The following POU6F2 variants were observed in gnomAD, a reference collection of about 807,000 sequenced individuals.
POU6F2 encodes POU domain, class 6, transcription factor 2.
Under a neutral mutation model 71.3 loss-of-function variants are expected in POU6F2, and 31 were observed. That is an observed-to-expected ratio of 0.43 (90% CI 0.33 to 0.59). The LOEUF is 0.59. Ranked by LOEUF, POU6F2 falls within the 20% of genes least tolerant of loss-of-function variation. The probability of loss-of-function intolerance (pLI) is 0.04; values close to 1 mark genes in which losing one functional copy is unlikely to be tolerated. For synonymous variants in POU6F2, 347 were observed against 355.7 expected, an observed-to-expected ratio of 0.98 and a Z score of 0.27; for missense variants, 783 against 856.8, an observed-to-expected ratio of 0.91 and a Z score of 1.07.
intron 5 of POU6F2, among the ~76,000 whole-genome samples, chr7:39,361,498 A>G (rs558532745): frequency 6.6e-6 from 1 of 152,348 alleles, no homozygotes; most frequent in Non-Finnish European, 1.5e-5. Context: ...AGCTGAAAGC[A>G]TGCAGACCTA....
chr7:39,116,922 G>A (rs1355605191), intron 2 of POU6F2, among the ~76,000 whole-genome samples: 1 of 152,096 alleles, frequency 6.6e-6, no homozygotes, highest in Non-Finnish European at 1.5e-5. Context: ...AAGTCAGACA[G>A]GCACTAGGAA....
rs550620557 is a variant in POU6F2 at position 39,133,299 on chromosome 7, G to A, written c.277+47268G>A. Among the ~76,000 whole-genome samples the A allele has an allele frequency of 1.1e-4, 16 of 152,274 alleles. 1 individual carries two copies. The highest frequency in any genetic ancestry group is 2.6e-4 in the Admixed American group (4 of 15,306). ...CGAGAATGTCCCCTTGTCAGAGAGC[G>A]GCAGCTGCTGCATGTATGTAGCCTG... On this transcript the variant is annotated intron_variant, in intron 2 of 9. Transcript: ENST00000518318.
intron 1 of POU6F2, among the ~76,000 whole-genome samples, chr7:39,006,355 T>G (rs1789070051): frequency 1.3e-5 from 2 of 151,808 alleles, no homozygotes. Context: ...TCCCAGCTAC[T>G]CAGGAGGGTG....
intron 4 of POU6F2, among the ~76,000 whole-genome samples, chr7:39,260,469 C>G (rs1784113360): frequency 1.3e-5 from 2 of 150,154 alleles, no homozygotes; most frequent in Non-Finnish European, 3.0e-5. Flanking sequence ...CACATACACA[C>G]CATACCACAC....
At chr7:39,068,986 G>T (rs1790818529) in intron 1 of POU6F2, among the ~76,000 whole-genome samples, 1 of 152,132 alleles carries the variant, frequency 6.6e-6, no homozygotes, top group Non-Finnish European at 1.5e-5. Flanking sequence ...CTGGGGTTCT[G>T]ATCCACAGGA....
chr7:39,261,340 G>C (rs1461862549), intron 4 of POU6F2, among the ~76,000 whole-genome samples: 1 of 152,144 alleles, frequency 6.6e-6, no homozygotes, highest in African/African-American at 2.4e-5. Flanking sequence ...TAACTCCTTA[G>C]GTCACCTTAT....
At chr7:39,188,237 A>G (rs1030415190) in intron 2 of POU6F2, among the ~76,000 whole-genome samples, 2 of 152,208 alleles carry the variant, frequency 1.3e-5, no homozygotes, top group Admixed American at 6.5e-5. Context: ...TAACTTATCA[A>G]AAATCACACA....
At chr7:39,302,994 A>G (rs1784978334) in intron 4 of POU6F2, among the ~76,000 whole-genome samples, 1 of 152,194 alleles carries the variant, frequency 6.6e-6, no homozygotes, top group African/African-American at 2.4e-5. Flanking sequence ...GGGCCTGAAA[A>G]TTTACATTTC....
At position 39,409,932 on chromosome 7, in the gene POU6F2, G is replaced by A. The variant is rs539178835; in HGVS notation, c.1113+3192G>A. Among the ~76,000 whole-genome samples the A allele has an allele frequency of 2.6e-5, 4 of 152,302 alleles. No individual in the cohort carries two copies. The South Asian group carries it at 6.2e-4, about 24-fold the overall frequency. On this transcript the variant is annotated intron_variant, in intron 6 of 9. Coordinates refer to ENST00000518318, the MANE Select transcript of POU6F2 (RefSeq NM_001370959.1). ...ACCAGTAGTTATTTTGAGCAAACAT[G>A]GAGGAAAAACTTCAGTTGTTTTTGT... is the stretch of plus-strand genomic sequence containing the variant.
At chr7:39,207,297 A>G in intron 3 of POU6F2, 95 bp from the exon 4 acceptor site, 1 of 1,169,770 alleles carries the variant, frequency 8.5e-7, no homozygotes, top group Non-Finnish European at 1.2e-6. Context: ...TTCTTCGGGA[A>G]CTTTCTGACC....
intron 2 of POU6F2, among the ~76,000 whole-genome samples, chr7:39,144,430 T>C (rs1426995167): frequency 2.6e-5 from 4 of 152,256 alleles, no homozygotes; most frequent in Non-Finnish European, 5.9e-5. Flanking sequence ...TCTTAATTGT[T>C]GATGGCCTTT....
intron 2 of POU6F2, among the ~76,000 whole-genome samples, chr7:39,197,733 T>G (rs1484889686): frequency 6.6e-6 from 1 of 152,240 alleles, no homozygotes; most frequent in Non-Finnish European, 1.5e-5. Context: ...AGACAAACTA[T>G]TTTTGAATGC....
intron 2 of POU6F2, among the ~76,000 whole-genome samples, chr7:39,179,060 C>T (rs1404244766): frequency 2.6e-5 from 4 of 152,114 alleles, no homozygotes; most frequent in Admixed American, 6.5e-5. Context: ...TGCTGGCCTC[C>T]AGATACCTGG....
At chr7:38,980,082 A>G (rs1788279174) in intron 1 of POU6F2, among the ~76,000 whole-genome samples, 1 of 152,174 alleles carries the variant, frequency 6.6e-6, no homozygotes, top group African/African-American at 2.4e-5. Flanking sequence ...ACTCTTTAGT[A>G]TAATTGTTAA....
In POU6F2 at chr7:39,465,460, C is replaced by T. The variant is rs6977512; in HGVS notation, c.*774C>T. The T allele has an allele frequency of 0.57, 86,910 of 151,980 alleles. 25,642 individuals are homozygous for T. Among genetic ancestry groups the T allele is most frequent in the Middle Eastern group, 0.65 (192 of 294 alleles). 9.4% of individuals were successfully genotyped at this position (151,980 alleles called of 1,614,324 possible). Reference sequence around the variant, plus strand: ...CTTTTTTCTTTGTCTTTCTTTTTGACGGGAGGGCATCCTGGATCGTGTGCC... The same window carrying T: ...CTTTTTTCTTTGTCTTTCTTTTTGATGGGAGGGCATCCTGGATCGTGTGCC... On this transcript the variant is annotated 3_prime_UTR_variant, in exon 10 of 10. Transcript: ENST00000518318.
intron 6 of POU6F2, among the ~76,000 whole-genome samples, chr7:39,410,064 G>A (rs948478706): frequency 1.3e-5 from 2 of 152,194 alleles, no homozygotes; most frequent in African/African-American, 2.4e-5. Context: ...TCATAGAGTA[G>A]AGGCCAGGCA....
At chr7:39,242,287 G>A (rs1783739796) in intron 4 of POU6F2, among the ~76,000 whole-genome samples, 1 of 152,126 alleles carries the variant, frequency 6.6e-6, no homozygotes, top group Non-Finnish European at 1.5e-5. Context: ...GCTTTCAAAA[G>A]TGGTTGTGCT....
chr7:39,348,424 T>C (rs955140558), intron 5 of POU6F2, among the ~76,000 whole-genome samples: 16 of 152,244 alleles, frequency 1.1e-4, no homozygotes, highest in African/African-American at 3.9e-4. Context: ...GTAACCATGA[T>C]CCTTTACCTA....
chr7:39,229,407 A>T (rs541081530), intron 4 of POU6F2, among the ~76,000 whole-genome samples: 12 of 152,292 alleles, frequency 7.9e-5, no homozygotes, highest in Non-Finnish European at 1.8e-4. Context: ...TGTCTGGGCC[A>T]TTCTGCCTTC....
Sources: gnomAD v4.1 joint callset for allele counts (sites outside exome capture counted in the v4.1 genomes callset) on GRCh38, gnomAD v4.1.1 for gene constraint, MANE v1.5 for transcripts, NCBI Gene and HGNC (gene_info 2026-07-23, HGNC 2026-07-21) for gene names.